The following ARRB1 variants were observed in gnomAD, a reference collection of about 807,000 sequenced individuals.
ARRB1 encodes the protein beta-arrestin-1.
ARRB1 carries 21 observed loss-of-function variants against 56.8 expected under a neutral mutation model. That is an observed-to-expected ratio of 0.37 (90% CI 0.26 to 0.53). The LOEUF is 0.53. ARRB1 is among the 20% of genes least tolerant of loss of function. ARRB1 has a pLI of 0.88. For missense variants in ARRB1, 424 were observed against 553.7 expected (o/e 0.77, Z 2.35); for synonymous variants, 210 against 218.6 (o/e 0.96, Z 0.35).
In ARRB1 at chr11:75,262,541, C is replaced by G. The variant is rs926330621; in HGVS notation, c.*3622G>C. The G allele has an allele frequency of 6.6e-6, 1 of 152,306 alleles. No individual in the cohort carries two copies. Among genetic ancestry groups the G allele is most frequent in the African/African-American group, 2.4e-5 (1 of 41,468 alleles). 9.4% of individuals were successfully genotyped at this position (152,306 alleles called of 1,614,324 possible). A position where few individuals can be genotyped will look rare whatever the true frequency, so the allele number is the denominator to read the frequency against. The stretch of plus-strand genomic sequence containing the variant: ...GAGGGCTCCTCCTGCAGCAAACTTT[C>G]TGTGTGACCTTGGGCCATCCCTGCA... On this transcript the variant is annotated 3_prime_UTR_variant, in exon 16 of 16. Transcript: ENST00000420843.
intron 2 of ARRB1, among the ~76,000 whole-genome samples, chr11:75,288,619 T>C (rs750434023): frequency 9.7e-5 from 3 of 30,842 alleles, no homozygotes; most frequent in Admixed American, 4.5e-4. Context: ...AATCTTTCTT[T>C]TTTTTTTTTT....
chr11:75,348,559 C>A (rs1947805540), intron 1 of ARRB1, among the ~76,000 whole-genome samples: 1 of 152,168 alleles, frequency 6.6e-6, no homozygotes, highest in Non-Finnish European at 1.5e-5. Context: ...TTGCAGCAAC[C>A]ATCATACTCC....
At chr11:75,318,417 C>T (rs567413619) in intron 1 of ARRB1, among the ~76,000 whole-genome samples, 25 of 152,098 alleles carry the variant, frequency 1.6e-4, no homozygotes, top group Non-Finnish European at 2.5e-4. Context: ...TGGCTGGGCA[C>T]GGTGGCTCAT....
chr11:75,272,598 C>G (rs969691630), intron 12 of ARRB1, among the ~76,000 whole-genome samples: 3 of 152,034 alleles, frequency 2.0e-5, no homozygotes, highest in Non-Finnish European at 4.4e-5. Flanking sequence ...CTGAGGACGC[C>G]GTCCCCTGGG....
intron 8 of ARRB1, 66 bp downstream of exon 8, chr11:75,278,543 G>A (rs1200319021): frequency 2.0e-5 from 32 of 1,605,996 alleles, no homozygotes; most frequent in South Asian, 3.3e-5. Flanking sequence ...CCAGGAGAGA[G>A]CTGGGATCTG....
chr11:75,325,584 A>G (rs1947417492), intron 1 of ARRB1, among the ~76,000 whole-genome samples: 1 of 152,170 alleles, frequency 6.6e-6, no homozygotes, highest in Non-Finnish European at 1.5e-5. Flanking sequence ...CAGCCTCCCA[A>G]AGTGTTGGGA....
intron 13 of ARRB1, 76 bp from the exon 14 acceptor site, chr11:75,269,035 G>T: frequency 6.7e-7 from 1 of 1,493,446 alleles, no homozygotes; most frequent in Non-Finnish European, 9.3e-7. Flanking sequence ...TGCCCTGTCA[G>T]TCCGAGGACT....
At chr11:75,266,607 CCAGAG>C (rs1362106963) in intron 15 of ARRB1, among the ~76,000 whole-genome samples, 2 of 152,100 alleles carry the variant, frequency 1.3e-5, no homozygotes, top group African/African-American at 4.8e-5. Flanking sequence ...GGCTCTGTAG[CCAGAG>C]GAAGGACTTA....
At chr11:75,275,503 T>C (rs1244639324) in intron 10 of ARRB1, among the ~76,000 whole-genome samples, 1 of 152,202 alleles carries the variant, frequency 6.6e-6, no homozygotes, top group African/African-American at 2.4e-5. Flanking sequence ...AATGAAGCTA[T>C]TTGGGCACCC....
chr11:75,277,195 C>T (rs756575374), intron 9 of ARRB1, among the ~76,000 whole-genome samples, 169 bp downstream of exon 9: 9 of 152,252 alleles, frequency 5.9e-5, no homozygotes, highest in Non-Finnish European at 1.0e-4. Context: ...CAATAAGCAG[C>T]CTGCCTTACC....
At chr11:75,337,745 A>G (rs148440942) in intron 1 of ARRB1, among the ~76,000 whole-genome samples, 17 of 146,960 alleles carry the variant, frequency 1.2e-4, no homozygotes, top group African/African-American at 3.7e-4. Context: ...TGTCTACAGC[A>G]GGTGCCCTGT....
intron 1 of ARRB1, among the ~76,000 whole-genome samples, chr11:75,309,807 G>A (rs1253687536): frequency 1.3e-5 from 2 of 152,154 alleles, no homozygotes; most frequent in Non-Finnish European, 2.9e-5. Flanking sequence ...CAGATAAGGT[G>A]GGCACAGCAA....
chr11:75,269,061 G>A (rs974700034), intron 13 of ARRB1, 102 bp from the exon 14 acceptor site: 28 of 1,285,534 alleles, frequency 2.2e-5, no homozygotes, highest in Middle Eastern at 1.9e-4. Flanking sequence ...GGGTTTTGCC[G>A]TCAGAGGAGG....
chr11:75,267,361 T>C (rs1358097107), intron 15 of ARRB1, among the ~76,000 whole-genome samples: 1 of 152,022 alleles, frequency 6.6e-6, no homozygotes, highest in Non-Finnish European at 1.5e-5. Flanking sequence ...ACCAGCCCTG[T>C]GTGAGCCGAG....
At chr11:75,315,863 A>C (rs1947255660) in intron 1 of ARRB1, among the ~76,000 whole-genome samples, 1 of 152,224 alleles carries the variant, frequency 6.6e-6, no homozygotes, top group Non-Finnish European at 1.5e-5. Context: ...ATTTATAGCC[A>C]TTCTCAGAGA....
intron 5 of ARRB1, 65 bp downstream of exon 5, chr11:75,283,222 C>T: frequency 1.3e-6 from 2 of 1,505,180 alleles, no homozygotes; most frequent in Non-Finnish European, 1.8e-6. Flanking sequence ...CTCTTATGCC[C>T]ACCCCAGAGG....
At chr11:75,350,407 G>T (rs560849361) in intron 1 of ARRB1, among the ~76,000 whole-genome samples, 34 of 152,328 alleles carry the variant, frequency 2.2e-4, no homozygotes, top group African/African-American at 8.2e-4. Flanking sequence ...CACAAGAATA[G>T]AAGAGAAAGA....
rs543013 is a variant in ARRB1, at chr11:75,333,104, G to C, written c.20+18484C>G. 2.0e-5 allele frequency among the ~76,000 whole-genome samples: 3 copies of C among 152,102 alleles called. No homozygotes were observed. In the South Asian group the frequency reaches 6.2e-4, roughly 32 times the overall value. On this transcript the variant is annotated intron_variant, in intron 1 of 15. Coordinates refer to ENST00000420843, the MANE Select transcript of ARRB1 (RefSeq NM_004041.5). ...TCCTGAGGGCTGTGTCACAGGCCAC[G>C]GTCACTCATATTTGGCTCAGAATAA...
At chr11:75,283,152 C>T (rs1189013321) in intron 5 of ARRB1, 135 bp downstream of exon 5, 4 of 913,756 alleles carry the variant, frequency 4.4e-6, no homozygotes, top group Non-Finnish European at 6.5e-6. Flanking sequence ...GGTGACAGTG[C>T]CCCAGGTCCC....
Sources: gnomAD v4.1 joint callset for allele counts (sites outside exome capture counted in the v4.1 genomes callset) on GRCh38, gnomAD v4.1.1 for gene constraint, MANE v1.5 for transcripts, NCBI Gene and HGNC (gene_info 2026-07-23, HGNC 2026-07-21) for gene names.